PARD3: variants seen among roughly 807,000 people sequenced by gnomAD.
PARD3 encodes partitioning defective 3 homolog.
PARD3 carries 75 observed loss-of-function variants against 155.4 expected under a neutral mutation model. The observed-to-expected ratio is 0.48, with a 90% CI of 0.40 to 0.58. The LOEUF (loss-of-function observed/expected upper bound fraction) is 0.58, where lower values mean the gene tolerates loss of function less well. PARD3 is among the 20% of genes least tolerant of loss of function. The pLI, the probability that PARD3 is intolerant of heterozygous loss-of-function variation, is 0.00. For missense variants in PARD3, 1,642 were observed against 1,721.7 expected (o/e 0.95, Z 0.82); for synonymous variants, 576 against 610.5 (o/e 0.94, Z 0.83).
intron 2 of PARD3, among the ~76,000 whole-genome samples, chr10:34,600,590 G>A (rs1448930296): frequency 6.6e-6 from 1 of 152,110 alleles, no homozygotes; most frequent in South Asian, 2.1e-4. Context: ...GAGGTAAGGG[G>A]ACTGACTGAC....
intron 2 of PARD3, among the ~76,000 whole-genome samples, chr10:34,666,503 A>C (rs550815233): frequency 1.3e-5 from 2 of 151,980 alleles, no homozygotes; most frequent in Non-Finnish European, 2.9e-5. Flanking sequence ...GAAAACCCCG[A>C]GCACATTGCC....
chr10:34,623,808 TGA>T (rs2091833430), intron 2 of PARD3, among the ~76,000 whole-genome samples: 2 of 149,816 alleles, frequency 1.3e-5, no homozygotes, highest in Admixed American at 1.3e-4. Flanking sequence ...GGTGAAACCC[TGA>T]CTCTACTAAA....
At chr10:34,636,105 A>G (rs1159998818) in intron 2 of PARD3, among the ~76,000 whole-genome samples, 2 of 152,108 alleles carry the variant, frequency 1.3e-5, no homozygotes, top group Non-Finnish European at 2.9e-5. Context: ...GGAAGACGGA[A>G]GGAAGAAGGA....
intron 2 of PARD3, among the ~76,000 whole-genome samples, chr10:34,603,174 A>T (rs571302543): frequency 2.0e-5 from 3 of 152,294 alleles, no homozygotes; most frequent in Non-Finnish European, 2.9e-5. Flanking sequence ...TTAGAAAATT[A>T]CCCCTGGCTG....
intron 2 of PARD3, among the ~76,000 whole-genome samples, chr10:34,517,993 C>T (rs773067722): frequency 6.6e-6 from 1 of 152,180 alleles, no homozygotes; most frequent in Non-Finnish European, 1.5e-5. Flanking sequence ...ATTCTCCTGC[C>T]TCAGCCTCCC....
intron 9 of PARD3, among the ~76,000 whole-genome samples, chr10:34,381,938 A>AAG (rs1841895866): frequency 7.5e-6 from 1 of 133,818 alleles, no homozygotes; most frequent in Non-Finnish European, 1.6e-5. Context: ...AAAAAAAAAA[A>AAG]AAAGAAAGAA....
chr10:34,302,282 A>G lies in PARD3; in HGVS notation c.3065+14825T>C, dbSNP rs569067247. ...TTACCATTTAAAAAAAATGAATTGC[A>G]GAATATTAGTATCAACAGCAGCAGC... On this transcript the variant is annotated intron_variant, in intron 20 of 24. Transcript: ENST00000374788. Among the ~76,000 whole-genome samples the G allele has an allele frequency of 1.0e-3, 152 of 152,218 alleles. 3 individuals are homozygous for G. The highest frequency in any genetic ancestry group is 8.1e-4 in the Non-Finnish European group (55 of 68,042).
intron 2 of PARD3, among the ~76,000 whole-genome samples, chr10:34,693,858 G>A (rs990646521): frequency 1.3e-5 from 2 of 152,060 alleles, no homozygotes; most frequent in Non-Finnish European, 2.9e-5. Context: ...CAGCCATGTT[G>A]GCATAGCTAT....
chr10:34,674,488 T>C (rs2133275206), intron 2 of PARD3, among the ~76,000 whole-genome samples: 2 of 147,008 alleles, frequency 1.4e-5, no homozygotes, highest in South Asian at 4.5e-4. Flanking sequence ...ATTTTTTTTT[T>C]TTTTTTTTTT....
intron 1 of PARD3, among the ~76,000 whole-genome samples, chr10:34,805,134 G>A (rs1380716861): frequency 6.6e-6 from 1 of 152,204 alleles, no homozygotes; most frequent in Non-Finnish European, 1.5e-5. Flanking sequence ...GAGGCGGGCG[G>A]ATCATGAGGT....
chr10:34,744,280 C>T (rs1835033057), intron 1 of PARD3, among the ~76,000 whole-genome samples: 1 of 152,180 alleles, frequency 6.6e-6, no homozygotes, highest in African/African-American at 2.4e-5. Context: ...CATGCAAAAT[C>T]CCAGTTTTAA....
intron 22 of PARD3, among the ~76,000 whole-genome samples, chr10:34,246,018 A>C (rs1953929076): frequency 6.6e-6 from 1 of 152,244 alleles, no homozygotes; most frequent in African/African-American, 2.4e-5. Context: ...GGTGGGGATC[A>C]GCAGTGAAGA....
chr10:34,551,430 GAACACA>G (rs2084548519), intron 2 of PARD3, among the ~76,000 whole-genome samples: 1 of 152,082 alleles, frequency 6.6e-6, no homozygotes, highest in African/African-American at 2.4e-5. Flanking sequence ...TCACTCAAAT[GAACACA>G]AATAACAGAT....
intron 2 of PARD3, among the ~76,000 whole-genome samples, chr10:34,570,425 A>T (rs1424037187): frequency 6.6e-6 from 1 of 152,234 alleles, no homozygotes; most frequent in Non-Finnish European, 1.5e-5. Flanking sequence ...CCCTTTGGAT[A>T]TTAAAATGTT....
At chr10:34,628,576 G>C (rs2092103008) in intron 2 of PARD3, among the ~76,000 whole-genome samples, 1 of 152,268 alleles carries the variant, frequency 6.6e-6, no homozygotes, top group Non-Finnish European at 1.5e-5. Flanking sequence ...CAATAACAGA[G>C]CTGCACTTGG....
intron 1 of PARD3, among the ~76,000 whole-genome samples, chr10:34,794,103 CAGCGGGG>C (rs1353026043): frequency 1.3e-5 from 2 of 151,880 alleles, no homozygotes; most frequent in Admixed American, 1.3e-4. Context: ...CTCCCACAGT[CAGCGGGG>C]GGTGGGGGTT....
chr10:34,619,487 A>G (rs1248984500), intron 2 of PARD3, among the ~76,000 whole-genome samples: 2 of 152,206 alleles, frequency 1.3e-5, no homozygotes, highest in South Asian at 2.1e-4. Context: ...GAATGAATAA[A>G]TAGCTTAAAT....
chr10:34,741,831 T>C (rs971008564), intron 1 of PARD3, among the ~76,000 whole-genome samples: 6 of 152,160 alleles, frequency 3.9e-5, no homozygotes, highest in African/African-American at 1.4e-4. Flanking sequence ...TTAACAAAAG[T>C]TGATAAAGTA....
intron 14 of PARD3, among the ~76,000 whole-genome samples, chr10:34,354,788 T>C (rs1838602911): frequency 6.6e-6 from 1 of 152,158 alleles, no homozygotes; most frequent in Non-Finnish European, 1.5e-5. Flanking sequence ...CAATCAGGCA[T>C]GTCCCAGTGG....
Sources: gnomAD v4.1 joint callset for allele counts (sites outside exome capture counted in the v4.1 genomes callset) on GRCh38, gnomAD v4.1.1 for gene constraint, MANE v1.5 for transcripts, NCBI Gene and HGNC (gene_info 2026-07-23, HGNC 2026-07-21) for gene names.